The following CD48 variants were observed in gnomAD, a reference collection of about 807,000 sequenced individuals.
CD48 encodes the protein CD48 molecule.
CD48 carries 20 observed loss-of-function variants against 22.0 expected under a neutral mutation model. The observed-to-expected ratio is 0.91, with a 90% CI of 0.64 to 1.32. The LOEUF (loss-of-function observed/expected upper bound fraction) is 1.32, where lower values mean the gene tolerates loss of function less well. Ranked by LOEUF, CD48 falls within the 40% of genes most tolerant of loss-of-function variation. The pLI is 0.00. For missense variants in CD48, 307 were observed against 286.5 expected (o/e 1.07, Z -0.52); for synonymous variants, 110 against 110.1 (o/e 1.00, Z 0.01).
At chr1:160,704,085 A>C (rs956365412) in intron 1 of CD48, among the ~76,000 whole-genome samples, 1 of 152,198 alleles carries the variant, frequency 6.6e-6, no homozygotes, top group Non-Finnish European at 1.5e-5. Flanking sequence ...ATTTAGAAGC[A>C]AGTTATTAGA....
intron 1 of CD48, among the ~76,000 whole-genome samples, chr1:160,710,621 T>C (rs1662918986): frequency 6.6e-6 from 1 of 152,184 alleles, no homozygotes; most frequent in Admixed American, 6.5e-5. Flanking sequence ...TTCCCAATAG[T>C]TAGATGAATA....
In CD48 at chr1:160,681,203, C is replaced by G; in HGVS notation, c.651G>C (p.Leu217=). ...GTVCLSPPCT[L]ARSFGVEWIA... ...TCAGCTCCCAGGGATCCTTCTTACC[C>G]AGGGTACAGGGTGGACTGAGGCAGA... is the stretch of plus-strand genomic sequence containing the variant. Residue 217 remains leucine (L), a splice_region_variant and synonymous_variant, in exon 3 of 4, where the codon CTG becomes CTC. Transcript: ENST00000368046. 6.2e-7 allele frequency: 1 copy of G among 1,614,174 alleles called. No individual in the cohort carries two copies. Among genetic ancestry groups the G allele is most frequent in the Non-Finnish European group, 8.5e-7 (1 of 1,180,028 alleles).
At chr1:160,687,273 T>C (rs1252869316) in intron 1 of CD48, among the ~76,000 whole-genome samples, 1 of 152,210 alleles carries the variant, frequency 6.6e-6, no homozygotes, top group Non-Finnish European at 1.5e-5. Context: ...TCTTGTTCTT[T>C]TTTCAAGGTG....
intron 3 of CD48, 151 bp from the exon 4 acceptor site, chr1:160,679,282 T>C: frequency 3.1e-6 from 2 of 635,370 alleles, no homozygotes; most frequent in Non-Finnish European, 2.8e-6. Context: ...GCTGGGACAT[T>C]CTTTTCCTCA....
intron 1 of CD48, among the ~76,000 whole-genome samples, chr1:160,705,329 G>A (rs528155217): frequency 6.6e-6 from 1 of 152,212 alleles, no homozygotes; most frequent in Non-Finnish European, 1.5e-5. Context: ...GACAGAATAA[G>A]TTCAACCCTC....
chr1:160,682,095 A>G (rs1661827416), intron 2 of CD48, among the ~76,000 whole-genome samples: 1 of 152,232 alleles, frequency 6.6e-6, no homozygotes, highest in Non-Finnish European at 1.5e-5. Flanking sequence ...TCCCTGCCAC[A>G]TGGCAGGTAT....
intron 3 of CD48, chr1:160,680,639 G>A: frequency 2.0e-6 from 2 of 1,008,674 alleles, no homozygotes; most frequent in Non-Finnish European, 2.4e-6. Context: ...AGGGGAATCT[G>A]GCTTCCTAAG....
At chr1:160,697,899 A>T (rs1045347609) in intron 1 of CD48, among the ~76,000 whole-genome samples, 1 of 152,204 alleles carries the variant, frequency 6.6e-6, no homozygotes, top group Admixed American at 6.5e-5. Flanking sequence ...CTAGACAAAC[A>T]TAAGCATAAA....
intron 1 of CD48, among the ~76,000 whole-genome samples, chr1:160,708,194 C>A (rs1372176175): frequency 1.3e-5 from 2 of 152,032 alleles, no homozygotes; most frequent in African/African-American, 4.8e-5. Context: ...GAATCAAACG[C>A]CCAGAAACAC....
chr1:160,708,400 G>A (rs576499856), intron 1 of CD48, among the ~76,000 whole-genome samples: 6 of 152,258 alleles, frequency 3.9e-5, no homozygotes, highest in South Asian at 4.1e-4. Context: ...AATGTATACC[G>A]ACAGCAGGGT....
chr1:160,698,659 G>T (rs376591827), intron 1 of CD48, among the ~76,000 whole-genome samples: 1 of 151,044 alleles, frequency 6.6e-6, no homozygotes, highest in Non-Finnish European at 1.5e-5. Flanking sequence ...ACTGGAATAC[G>T]TCAGATTTTT....
In CD48 at chr1:160,679,064, C is replaced by T. The variant is rs1379454018; in HGVS notation, c.720G>A (p.Leu240=). Residue 240 remains leucine (L), a synonymous_variant, in exon 4 of 4, where the codon CTG becomes CTA. Coordinates refer to ENST00000368046, the MANE Select transcript of CD48 (RefSeq NM_001778.4). The part of the protein sequence containing the change: ...LVVTVPTILG[L]LLT ...AAAAGAGCTCATCTCAGGTAAGTAACAGGCCAAGAATGGTGGGCACCGTGA... is the reference window on the plus strand; with the variant it reads ...AAAAGAGCTCATCTCAGGTAAGTAATAGGCCAAGAATGGTGGGCACCGTGA... 1 of 1,613,854 alleles carries T rather than the reference C, an allele frequency of 6.2e-7. No individual in the cohort carries two copies. Among genetic ancestry groups the T allele is most frequent in the South Asian group, 1.1e-5 (1 of 91,076 alleles).
At chr1:160,687,625 A>G (rs543110671) in intron 1 of CD48, among the ~76,000 whole-genome samples, 7 of 152,234 alleles carry the variant, frequency 4.6e-5, no homozygotes, top group East Asian at 3.9e-4. Context: ...TTCCTGCAAC[A>G]TCTCTCCCTT....
chr1:160,705,499 G>A (rs1395461813), intron 1 of CD48, among the ~76,000 whole-genome samples: 1 of 152,216 alleles, frequency 6.6e-6, no homozygotes, highest in Non-Finnish European at 1.5e-5. Context: ...TAATGTTTAA[G>A]ATATGTTTTG....
intron 2 of CD48, chr1:160,683,534 T>TTA (rs1558030985): frequency 1.3e-5 from 2 of 150,924 alleles, no homozygotes; most frequent in Non-Finnish European, 3.0e-5. Flanking sequence ...TTTTTTTTTT[T>TTA]AAATCTTGTA....
At chr1:160,711,195 C>T (rs1440413549) in intron 1 of CD48, among the ~76,000 whole-genome samples, 1 of 152,150 alleles carries the variant, frequency 6.6e-6, no homozygotes, top group Non-Finnish European at 1.5e-5. Context: ...CAATCCTTTC[C>T]AAGCTTTTCT....
intron 3 of CD48, among the ~76,000 whole-genome samples, chr1:160,679,587 G>A (rs553919034): frequency 6.6e-6 from 1 of 152,248 alleles, no homozygotes; most frequent in East Asian, 1.9e-4. Context: ...GACAGAAAAG[G>A]AAAGGAAAAG....
chr1:160,679,500 G>T (rs568144908), intron 3 of CD48, among the ~76,000 whole-genome samples: 1 of 152,174 alleles, frequency 6.6e-6, no homozygotes, highest in East Asian at 1.9e-4. Context: ...AGAGAGAAAA[G>T]GACCACTTCC....
chr1:160,693,074 G>A (rs557596516), intron 1 of CD48, among the ~76,000 whole-genome samples: 8 of 152,162 alleles, frequency 5.3e-5, no homozygotes, highest in South Asian at 2.1e-4. Context: ...TCAACTATTA[G>A]GAACAGGTCA....
Sources: allele counts gnomAD v4.1 joint callset (sites outside exome capture counted in the v4.1 genomes callset), GRCh38; gene constraint gnomAD v4.1.1; transcripts MANE v1.5; gene names NCBI Gene and HGNC (gene_info 2026-07-23, HGNC 2026-07-21).